The following YEATS2 variants were observed in gnomAD, a reference collection of about 807,000 sequenced individuals.
YEATS2 encodes the protein YEATS domain containing 2, also known as YEATS domain-containing protein 2.
YEATS2 carries 77 observed loss-of-function variants against 163.2 expected under a neutral mutation model. That is an observed-to-expected ratio of 0.47 (90% CI 0.39 to 0.57). The LOEUF (loss-of-function observed/expected upper bound fraction) is 0.57. YEATS2 is among the 20% of genes least tolerant of loss of function. The pLI, the probability that YEATS2 is intolerant of heterozygous loss-of-function variation, is 0.00. For synonymous variants in YEATS2, 631 were observed against 645.1 expected, an observed-to-expected ratio of 0.98 and a Z score of 0.33; for missense variants, 1,549 against 1,729.8, an observed-to-expected ratio of 0.90 and a Z score of 1.85.
intron 15 of YEATS2, among the ~76,000 whole-genome samples, chr3:183,766,734 T>C (rs558809752): frequency 1.4e-4 from 21 of 152,324 alleles, no homozygotes; most frequent in Non-Finnish European, 2.4e-4. Flanking sequence ...TGTTTTATGA[T>C]CATAACTCAC....
In YEATS2 at chr3:183,804,126, AG is replaced by A. The variant is rs777481774; in HGVS notation, c.3723del (p.Ser1242AlafsTer2). The A allele has an allele frequency of 6.2e-7, 1 of 1,614,124 alleles. No individual in the cohort carries two copies. Among genetic ancestry groups the A allele is most frequent in the Non-Finnish European group, 8.5e-7 (1 of 1,180,026 alleles). ...CATGGCTACACCCCACCGGACCCTG[AG>A]AGCCTGAGGAATGACGGGGACTCCA... Reference protein sequence around the residue: ...RCHGYTPPDPESLRNDGDSIE... With the variant: ...RCHGYTPPDPXSLRNDGDSIE... On this transcript the variant is annotated frameshift_variant, in exon 27 of 31. Coordinates refer to ENST00000305135, the MANE Select transcript of YEATS2 (RefSeq NM_018023.5). LOFTEE classifies it high-confidence loss of function.
At chr3:183,710,536 A>C (rs1414624259) in intron 1 of YEATS2, among the ~76,000 whole-genome samples, 1 of 152,232 alleles carries the variant, frequency 6.6e-6, no homozygotes, top group East Asian at 1.9e-4. Context: ...GCCCACATGC[A>C]ACAAGAAAAG....
At chr3:183,734,036 G>A (rs1418713055) in intron 7 of YEATS2, among the ~76,000 whole-genome samples, 5 of 152,208 alleles carry the variant, frequency 3.3e-5, no homozygotes, top group African/African-American at 7.2e-5. Flanking sequence ...CCAAACCTTC[G>A]TATCTGTTTT....
intron 30 of YEATS2, 133 bp downstream of exon 30, chr3:183,809,303 C>T: frequency 1.2e-6 from 1 of 857,852 alleles, no homozygotes; most frequent in East Asian, 2.5e-5. Context: ...CTCTTAGAGC[C>T]AGATGAGCTC....
chr3:183,750,555 A>C (rs1720056130), intron 9 of YEATS2, among the ~76,000 whole-genome samples: 1 of 152,194 alleles, frequency 6.6e-6, no homozygotes, highest in African/African-American at 2.4e-5. Flanking sequence ...GTGCACACGT[A>C]TTCCAGTTTC....
chr3:183,804,272 T>G, intron 27 of YEATS2, 84 bp downstream of exon 27: 6 of 1,534,698 alleles, frequency 3.9e-6, no homozygotes, highest in Non-Finnish European at 5.3e-6. Context: ...CTTGGAAGAG[T>G]TGCTGTAGAG....
chr3:183,711,881 A>G (rs1054977974), intron 1 of YEATS2, among the ~76,000 whole-genome samples: 8 of 151,306 alleles, frequency 5.3e-5, no homozygotes, highest in East Asian at 2.0e-4. Flanking sequence ...GTGCAATGGC[A>G]TGATCTCGGC....
At chr3:183,702,661 A>AC (rs1338018851) in intron 1 of YEATS2, among the ~76,000 whole-genome samples, 2 of 151,748 alleles carry the variant, frequency 1.3e-5, no homozygotes, top group African/African-American at 4.8e-5. Context: ...ATATGGTGAA[A>AC]CCCCGTCTCT....
Position 183,722,046 on chromosome 3 carries a change from C to G in YEATS2, c.447C>G (p.Phe149Leu). The G allele has an allele frequency of 1.9e-6, 3 of 1,614,054 alleles. No individual in the cohort carries two copies. Among genetic ancestry groups the G allele is most frequent in the Non-Finnish European group, 1.7e-6 (2 of 1,179,984 alleles). The change falls in exon 5 of 31, where the codon TTC (phenylalanine) becomes TTG (leucine). Residue 149 changes from phenylalanine to leucine, a missense_variant. Transcript: ENST00000305135. The part of the protein sequence containing the change: ...ESDSLSQHND[F>L]LSDKDNNSNM... The stretch of plus-strand genomic sequence containing the variant: ...ATTCTTTATCTCAGCACAATGACTT[C>G]TTATCTGACAAAGATAATAACAGCA...
chr3:183,786,044 G>GT, intron 19 of YEATS2, 81 bp from the exon 20 acceptor site: 1 of 1,471,542 alleles, frequency 6.8e-7, no homozygotes, highest in Non-Finnish European at 9.3e-7. Context: ...GTCATGGGGC[G>GT]TATCTCAGCT....
chr3:183,749,197 C>A (rs912282947), intron 9 of YEATS2, among the ~76,000 whole-genome samples: 2 of 152,164 alleles, frequency 1.3e-5, no homozygotes, highest in Non-Finnish European at 2.9e-5. Context: ...CCCATCTCGG[C>A]CTCCCAAAGT....
chr3:183,776,233 C>G, intron 18 of YEATS2, 110 bp downstream of exon 18: 6 of 1,102,986 alleles, frequency 5.4e-6, no homozygotes, highest in Non-Finnish European at 7.6e-6. Flanking sequence ...ATACTAACAC[C>G]TTAACCGTGT....
intron 13 of YEATS2, among the ~76,000 whole-genome samples, chr3:183,759,706 T>C (rs1316876924): frequency 6.6e-6 from 1 of 152,242 alleles, no homozygotes; most frequent in Non-Finnish European, 1.5e-5. Flanking sequence ...TTTACCGTGG[T>C]GCAAAAGCAA....
intron 5 of YEATS2, among the ~76,000 whole-genome samples, chr3:183,722,810 G>A (rs1241990321): frequency 3.3e-5 from 5 of 151,958 alleles, no homozygotes; most frequent in South Asian, 2.1e-4. Context: ...GTGCTACCAC[G>A]CCTGGCTAAT....
intron 15 of YEATS2, among the ~76,000 whole-genome samples, chr3:183,764,713 A>G (rs1332349636): frequency 4.6e-5 from 7 of 152,180 alleles, no homozygotes; most frequent in Admixed American, 1.3e-4. Context: ...AGGCTGAGGC[A>G]GGAGAAACGC....
Position 183,752,077 on chromosome 3 carries a change from T to C in YEATS2, c.974T>C (p.Val325Ala). ...GLQTLGAETV[V>A]DVELHRHSLG... ...GATTGTTGCCCAATTGTCTAGGTAG[T>C]GGATGTTGAACTCCATCGCCATTCT... Residue 325 changes from valine to alanine, a missense_variant, in exon 10 of 31, where the codon GTG (valine) becomes GCG (alanine). Physicochemically the swap from Val to Ala is moderately conservative, Grantham distance 64 (BLOSUM62 0). Coordinates refer to ENST00000305135, the MANE Select transcript of YEATS2 (RefSeq NM_018023.5). The C allele has an allele frequency of 6.2e-7, 1 of 1,614,134 alleles. No homozygotes were observed.
intron 27 of YEATS2, among the ~76,000 whole-genome samples, chr3:183,804,736 C>G (rs553080136): frequency 4.7e-4 from 71 of 152,184 alleles, no homozygotes; most frequent in African/African-American, 1.7e-3. Flanking sequence ...GCCTGTAATC[C>G]CAGCACTTTG....
chr3:183,749,088 A>G (rs1050814297), intron 9 of YEATS2, among the ~76,000 whole-genome samples: 6 of 151,872 alleles, frequency 4.0e-5, no homozygotes, highest in Admixed American at 2.6e-4. Flanking sequence ...GACCACAGGC[A>G]CCCGCCACCA....
intron 6 of YEATS2, among the ~76,000 whole-genome samples, chr3:183,726,749 T>C (rs1256460551): frequency 6.6e-6 from 1 of 152,214 alleles, no homozygotes; most frequent in African/African-American, 2.4e-5. Context: ...TATATTTTTC[T>C]CAAATCAGAC....
Sources: gnomAD v4.1 joint callset for allele counts (sites outside exome capture counted in the v4.1 genomes callset) on GRCh38, gnomAD v4.1.1 for gene constraint, MANE v1.5 for transcripts, NCBI Gene and HGNC (gene_info 2026-07-23, HGNC 2026-07-21) for gene names.